Variants in WDR86 observed in about 807,000 individuals in gnomAD.
WDR86 encodes the protein WD repeat domain 86.
A neutral mutation model predicts 36.5 loss-of-function variants in WDR86; 30 were observed. That is an observed-to-expected ratio of 0.82 (90% confidence interval 0.61 to 1.11). The LOEUF (loss-of-function observed/expected upper bound fraction) is 1.11. Ranked by LOEUF, WDR86 falls within the 50% of genes most tolerant of loss-of-function variation. The pLI is 0.00. For missense variants in WDR86, 545 were observed against 561.2 expected, an observed-to-expected ratio of 0.97 and a Z score of 0.29; for synonymous variants, 255 against 252.9, an observed-to-expected ratio of 1.01 and a Z score of -0.08.
intron 1 of WDR86, among the ~76,000 whole-genome samples, chr7:151,407,642 C>T (rs1800811422): frequency 1.3e-5 from 2 of 152,148 alleles, no homozygotes; most frequent in African/African-American, 4.8e-5. Flanking sequence ...AGTTCAAGAC[C>T]AGCCTGGCCA....
At chr7:151,408,379 T>G (rs1426452858) in intron 1 of WDR86, among the ~76,000 whole-genome samples, 2 of 151,870 alleles carry the variant, frequency 1.3e-5, no homozygotes, top group Non-Finnish European at 2.9e-5. Flanking sequence ...TGTATTTTTA[T>G]TAGACACAGG....
Position 151,389,792 on chromosome 7 carries a change from G to A in WDR86, c.727-4569C>T, listed in dbSNP as rs573904582. Among the ~76,000 whole-genome samples the A allele has an allele frequency of 1.6e-3, 248 of 152,330 alleles. 1 individual carries two copies. Among genetic ancestry groups the A allele is most frequent in the African/African-American group, 5.2e-3 (218 of 41,572 alleles). ...TTTCGAGGAAGGGGAAGGAGATGAG[G>A]TGTCATAGACCACGGGTCAGTGACC... On this transcript the variant is annotated intron_variant, in intron 3 of 5. Coordinates refer to ENST00000334493, the MANE Select transcript of WDR86 (RefSeq NM_198285.3).
At chr7:151,402,070 A>AATATATATATATATATATAT (rs748373598) in intron 1 of WDR86, among the ~76,000 whole-genome samples, 83 of 50,468 alleles carry the variant, frequency 1.6e-3, no homozygotes, top group African/African-American at 3.4e-3. Context: ...AAAAAAAAAA[A>AATATATATATATATATATAT]ATATATATAT....
chr7:151,388,044 C>T lies in WDR86; in HGVS notation c.727-2821G>A, dbSNP rs950335502. On this transcript the variant is annotated intron_variant, in intron 3 of 5. Transcript: ENST00000334493. The surrounding 1 kb of genome is among the most constrained non-coding windows in gnomAD (Gnocchi z 4.2). ...TGGTAACCCCCGCCCATCCCCAAAA[C>T]GCAGGTGCAATCTCTGCCCGCCGGC... Among the ~76,000 whole-genome samples the T allele has an allele frequency of 3.9e-5, 6 of 152,370 alleles. No individual in the cohort carries two copies. The highest frequency in any genetic ancestry group is 6.5e-5 in the Admixed American group (1 of 15,308).
chr7:151,396,189 C>A lies in WDR86; in HGVS notation c.313G>T (p.Val105Phe). The A allele has an allele frequency of 4.3e-6, 7 of 1,612,854 alleles. No individual in the cohort carries two copies. Among genetic ancestry groups the A allele is most frequent in the Non-Finnish European group, 5.9e-6 (7 of 1,179,862 alleles). ...GHTSIVNRIL[V>F]ANNQLFSSSY... The stretch of plus-strand genomic sequence containing the variant: ...CTGCTGAAGAGCTGGTTGTTGGCAA[C>A]CAGGATCCTGGGGGCAAGAGGGAAG... Residue 105 changes from valine to phenylalanine, a missense_variant, in exon 3 of 6, where the codon GTT (valine) becomes TTT (phenylalanine). Val to Phe is a conservative substitution (Grantham distance 50, BLOSUM62 -1). Transcript: ENST00000334493.
At chr7:151,387,884 C>T (rs994917811) in intron 3 of WDR86, among the ~76,000 whole-genome samples, 5 of 152,254 alleles carry the variant, frequency 3.3e-5, no homozygotes, top group African/African-American at 7.2e-5. Flanking sequence ...AGATGTGAGA[C>T]GTGGCCAAGT....
chr7:151,376,557 T>C (rs1245101846), downstream of WDR86: 5 of 1,363,900 alleles, frequency 3.7e-6, no homozygotes, highest in Admixed American at 1.1e-4. Flanking sequence ...GAGAGTCGGC[T>C]GTCCACTCGT....
downstream of WDR86, chr7:151,381,039 C>G: frequency 1.3e-6 from 1 of 795,824 alleles, no homozygotes; most frequent in Non-Finnish European, 1.6e-6. The surrounding 1 kb of genome is among the most constrained non-coding windows in gnomAD (Gnocchi z 4.8). Context: ...GGGCAGGAGG[C>G]CCGCCGCCCT....
chr7:151,374,289 T>C (rs1798102737), downstream of WDR86: 1 of 1,545,076 alleles, frequency 6.5e-7, no homozygotes, highest in Admixed American at 2.0e-5. Flanking sequence ...GAGCAGTGGG[T>C]CCTGCCCAGA....
intron 1 of WDR86, among the ~76,000 whole-genome samples, chr7:151,407,609 C>T (rs998387824): frequency 2.6e-5 from 4 of 152,100 alleles, no homozygotes; most frequent in Non-Finnish European, 5.9e-5. Context: ...GAGGCCAAGG[C>T]GGGTGGATCA....
rs371656752 is a variant in WDR86 at position 151,381,998 on chromosome 7, C to T, written c.863-17G>A. ...CCGTGAACACTGCGGACACACAGCG[C>T]GCGCTGGGCCTCCCTCCCTGCTCGG... is the stretch of plus-strand genomic sequence containing the variant. On this transcript the variant is annotated splice_polypyrimidine_tract_variant and intron_variant, in intron 4 of 5. Coordinates refer to ENST00000334493, the MANE Select transcript of WDR86 (RefSeq NM_198285.3). The surrounding 1 kb of genome is among the most constrained non-coding windows in gnomAD (Gnocchi z 4.8). 7 of 1,579,288 alleles carry T rather than the reference C, an allele frequency of 4.4e-6. No homozygotes were observed. In the East Asian group the frequency reaches 9.3e-5, roughly 21 times the overall value.
chr7:151,377,035 A>G (rs1798329338), downstream of WDR86: 3 of 1,531,558 alleles, frequency 2.0e-6, no homozygotes, highest in Non-Finnish European at 2.6e-6. Flanking sequence ...CTCCTGCGGT[A>G]TTTTATTGTA....
At position 151,401,884 on chromosome 7, in the gene WDR86, C is replaced by T. The variant is rs1217065779; in HGVS notation, c.164-1643G>A. On this transcript the variant is annotated intron_variant, in intron 1 of 5. Coordinates refer to ENST00000334493, the MANE Select transcript of WDR86 (RefSeq NM_198285.3). This position sits in a 1 kb window ranked among gnomAD's most constrained non-coding sequence, Gnocchi z 4.3. The stretch of plus-strand genomic sequence containing the variant: ...CTAAGATGGTGAAACCCCGTCTCTA[C>T]TAAAAATACAAAAAATTAGCCGGGC... Among the ~76,000 whole-genome samples, 1 of 150,536 alleles carries T rather than the reference C, an allele frequency of 6.6e-6. No homozygotes were observed. The highest frequency in any genetic ancestry group is 1.5e-5 in the Non-Finnish European group (1 of 67,722).
intron 1 of WDR86, among the ~76,000 whole-genome samples, chr7:151,400,811 C>T (rs1015745889): frequency 5.9e-5 from 9 of 152,240 alleles, no homozygotes; most frequent in East Asian, 1.9e-4. Context: ...ATGGCGACTG[C>T]GCCGTCAACA....
chr7:151,376,057 C>T, exon 2 of WDR86: 1 of 738,848 alleles, frequency 1.4e-6, no homozygotes, highest in African/African-American at 1.7e-5. Flanking sequence ...AACCTTGGCT[C>T]CCAGGCTCCA....
At chr7:151,385,725 C>T (rs1379457092) in intron 3 of WDR86, among the ~76,000 whole-genome samples, 1 of 152,100 alleles carries the variant, frequency 6.6e-6, no homozygotes, top group Admixed American at 6.6e-5. Flanking sequence ...GGTCACTGCT[C>T]CCCCTGCTCA....
At chr7:151,400,047 C>A in intron 2 of WDR86, 53 bp downstream of exon 2, 1 of 1,464,510 alleles carries the variant, frequency 6.8e-7, no homozygotes, top group Non-Finnish European at 9.1e-7. Context: ...CCCTCAGCCC[C>A]ACCAGAAGCC....
downstream of WDR86, chr7:151,378,074 T>C (rs1305199353): frequency 6.6e-6 from 1 of 152,238 alleles, no homozygotes; most frequent in Non-Finnish European, 1.5e-5. Context: ...TTTTCTTTGT[T>C]GTTGTTGTTG....
downstream of WDR86, among the ~76,000 whole-genome samples, chr7:151,372,485 C>T (rs529644221): frequency 2.0e-5 from 3 of 152,254 alleles, no homozygotes; most frequent in East Asian, 1.9e-4. Context: ...GCTTCTTAGC[C>T]TTTTGGAATA....
Sources: gnomAD v4.1 joint callset for allele counts (sites outside exome capture counted in the v4.1 genomes callset) on GRCh38, gnomAD v4.1.1 for gene constraint, Gnocchi (gnomAD v3.1) non-coding constraint, MANE v1.5 for transcripts, NCBI Gene and HGNC (gene_info 2026-07-23, HGNC 2026-07-21) for gene names.